Variants in SEC63 observed in about 807,000 individuals in gnomAD.
SEC63 encodes translocation protein SEC63 homolog.
SEC63 carries 56 observed loss-of-function variants against 116.2 expected under a neutral mutation model. The ratio of observed to expected loss-of-function variants is 0.48; its 90% confidence interval spans 0.39 to 0.60. The LOEUF is 0.60. SEC63 is among the 20% of genes least tolerant of loss of function. SEC63 has a pLI of 0.00. For missense variants in SEC63, 668 were observed against 900.0 expected (o/e 0.74, Z 3.30); for synonymous variants, 273 against 294.6 (o/e 0.93, Z 0.75).
intron 2 of SEC63, 95 bp from the exon 3 acceptor site, chr6:107,925,027 T>C (rs1184179046): frequency 1.3e-6 from 1 of 755,364 alleles, no homozygotes; most frequent in Non-Finnish European, 2.4e-6. Flanking sequence ...TCTACAGTAG[T>C]ACCATATCAC....
intron 1 of SEC63, among the ~76,000 whole-genome samples, chr6:107,936,890 T>C (rs904777519): frequency 6.6e-6 from 1 of 152,146 alleles, no homozygotes; most frequent in East Asian, 1.9e-4. Context: ...TCAACCCTTG[T>C]CTCCTTCCCT....
chr6:107,894,206 C>T (rs562623063), intron 14 of SEC63, among the ~76,000 whole-genome samples: 2 of 152,152 alleles, frequency 1.3e-5, no homozygotes, highest in South Asian at 2.1e-4. Context: ...AGCAAGCAAA[C>T]GTTGAGTATT....
intron 4 of SEC63, among the ~76,000 whole-genome samples, chr6:107,920,333 G>A (rs1049604671): frequency 4.1e-5 from 6 of 147,818 alleles, no homozygotes; most frequent in African/African-American, 1.5e-4. Flanking sequence ...GACTGAGGCA[G>A]GAGAATGGCA....
chr6:107,950,535 T>G, intron 1 of SEC63, among the ~76,000 whole-genome samples: 1 of 152,216 alleles, frequency 6.6e-6, no homozygotes, highest in Non-Finnish European at 1.5e-5. Flanking sequence ...AGATATTTTA[T>G]TTTGAAAGAC....
intron 8 of SEC63, 133 bp from the exon 9 acceptor site, chr6:107,906,910 A>G: frequency 1.4e-6 from 1 of 705,128 alleles, no homozygotes; most frequent in East Asian, 2.7e-5. Flanking sequence ...TCTGAACTCC[A>G]CTGACAAGTA....
intron 1 of SEC63, among the ~76,000 whole-genome samples, chr6:107,953,670 G>T (rs1387363822): frequency 7.0e-6 from 1 of 142,348 alleles, no homozygotes; most frequent in African/African-American, 2.6e-5. Flanking sequence ...CCTCTGCCCG[G>T]CCAGCCGCCC....
At chr6:107,912,133 G>C (rs1173179532) in intron 6 of SEC63, among the ~76,000 whole-genome samples, 2 of 152,098 alleles carry the variant, frequency 1.3e-5, no homozygotes, top group Non-Finnish European at 2.9e-5. Flanking sequence ...TTGCCTCAAA[G>C]ACAGCCTTTA....
In SEC63 at chr6:107,908,989, A is replaced by T; in HGVS notation, c.671T>A (p.Leu224Gln). 6.2e-7 allele frequency: 1 copy of T among 1,613,610 alleles called. No homozygotes were observed. The highest frequency in any genetic ancestry group is 8.5e-7 in the Non-Finnish European group (1 of 1,179,624). The change falls in exon 8 of 21, where the codon CTA (leucine) becomes CAA (glutamine). Residue 224 changes from leucine (L) to glutamine (Q), a missense_variant. Physicochemically the swap from Leu to Gln is moderately radical, Grantham distance 113. This residue lies in a region of SEC63 where 430 missense variants were observed against 557.5 expected (regional missense o/e 0.77). Transcript: ENST00000369002. ...RSIRYSGDQI[L>Q]IRTTQIYTYF... ...TGTATAAATCTGTGTTGTGCGTATT[A>T]GAATCTGGTCTCCACTATAGCGTAT...
intron 16 of SEC63, 77 bp downstream of exon 16, chr6:107,893,405 C>G: frequency 2.1e-6 from 3 of 1,400,822 alleles, no homozygotes; most frequent in African/African-American, 1.4e-5. Context: ...ACTTTTGAAG[C>G]TGTACACGTA....
intron 1 of SEC63, among the ~76,000 whole-genome samples, chr6:107,933,003 G>A (rs1350799408): frequency 6.6e-6 from 1 of 152,068 alleles, no homozygotes; most frequent in African/African-American, 2.4e-5. Context: ...TTACAGATAT[G>A]ACTAAGTTAA....
intron 13 of SEC63, among the ~76,000 whole-genome samples, chr6:107,899,070 G>T (rs1052269134): frequency 6.6e-6 from 1 of 152,176 alleles, no homozygotes; most frequent in Non-Finnish European, 1.5e-5. Flanking sequence ...GCACAAGCAG[G>T]TCATGTGAAA....
At chr6:107,953,396 G>A (rs1336260507) in intron 1 of SEC63, among the ~76,000 whole-genome samples, 1 of 150,728 alleles carries the variant, frequency 6.6e-6, no homozygotes, top group African/African-American at 2.4e-5. Flanking sequence ...GAAGGAGGTG[G>A]GGGGGTCAGC....
In SEC63 at chr6:107,958,139, C is replaced by A. The variant is rs1770752861; in HGVS notation, c.-130G>T. On this transcript the variant is annotated 5_prime_UTR_variant, in exon 1 of 21. Coordinates refer to ENST00000369002, the MANE Select transcript of SEC63 (RefSeq NM_007214.5). ...CGCCGCCGCCTCTCCTCCCCGCCCC[C>A]ACGCCACTCTCACGGACACGCCGCC... 7 of 1,421,286 alleles carry A rather than the reference C, an allele frequency of 4.9e-6. No homozygotes were observed. The highest frequency in any genetic ancestry group is 6.8e-6 in the Non-Finnish European group (7 of 1,032,378). The allele number at this position is 1,421,286 out of a possible 1,614,324, so 88.0% of individuals were successfully genotyped here.
At position 107,921,913 on chromosome 6, in the gene SEC63, G is replaced by C. The variant is rs755427926; in HGVS notation, c.340-4C>G. On this transcript the variant is annotated splice_region_variant and splice_polypyrimidine_tract_variant and intron_variant, in intron 3 of 20. Coordinates refer to ENST00000369002, the MANE Select transcript of SEC63 (RefSeq NM_007214.5). Reference sequence around the variant, plus strand: ...TAATTTCTGCTACTGTGGCTCCCTGGGGAAAAACAAAAAAAAAAAACAAGC... The same window carrying C: ...TAATTTCTGCTACTGTGGCTCCCTGCGGAAAAACAAAAAAAAAAAACAAGC... 14 of 1,317,122 alleles carry C rather than the reference G, an allele frequency of 1.1e-5. No homozygotes were observed. The East Asian group carries it at 3.5e-4, about 33-fold the overall frequency. The allele number at this position is 1,317,122 out of a possible 1,614,324, so 81.6% of individuals were successfully genotyped here. A position where few individuals can be genotyped will look rare whatever the true frequency, so the allele number is the denominator to read the frequency against.
At chr6:107,928,167 T>C (rs1163263464) in intron 2 of SEC63, among the ~76,000 whole-genome samples, 1 of 152,154 alleles carries the variant, frequency 6.6e-6, no homozygotes, top group South Asian at 2.1e-4. Flanking sequence ...AAAGCTAGAA[T>C]TTCCCTCCTC....
rs769028020 is a variant in SEC63, at chr6:107,883,111, T to C, written c.1710A>G (p.Ser570=). ...CTTCTTCAGAATCACTGCCCTTATC[T>C]GAAACTTCTTCTTCATCTTCCTTTA... ...AAVKEDEEEV[S]DKGSDSEEEE... The change falls in exon 17 of 21, where the codon TCA becomes TCG. Residue 570 remains serine (S), a synonymous_variant. Transcript: ENST00000369002. 2.5e-6 allele frequency: 4 copies of C among 1,612,476 alleles called. No homozygotes were observed. The South Asian group carries it at 4.4e-5, about 18-fold the overall frequency.
intron 1 of SEC63, among the ~76,000 whole-genome samples, chr6:107,948,987 T>C (rs1405651934): frequency 6.6e-6 from 1 of 152,242 alleles, no homozygotes; most frequent in African/African-American, 2.4e-5. Flanking sequence ...GTTCGCCCCA[T>C]GTTCACATTA....
At chr6:107,874,393 G>A (rs1012791304) in intron 19 of SEC63, among the ~76,000 whole-genome samples, 1 of 152,080 alleles carries the variant, frequency 6.6e-6, no homozygotes, top group African/African-American at 2.4e-5. Flanking sequence ...AGGAGATTGA[G>A]ACCATCATGG....
In SEC63 at chr6:107,901,429, T is replaced by G; in HGVS notation, c.1298A>C (p.Glu433Ala). ...ACTCCCAAGGACAGCCATAACCTCT[T>G]CATATTTTTCATCTTCAAGGAAGTG... is the stretch of plus-strand genomic sequence containing the variant. ...LLHFLEDEKYEEVMAVLGSFP... is the reference protein window; with the variant it reads ...LLHFLEDEKYAEVMAVLGSFP... Residue 433 changes from glutamate (E) to alanine (A), a missense_variant, in exon 13 of 21, where the codon GAA (glutamate) becomes GCA (alanine). By Grantham distance (107) the Glu-to-Ala change is moderately radical. Around this residue, in one of 5 missense-constraint regions of SEC63, gnomAD observed 430 missense variants for 557.5 expected, o/e 0.77. Transcript: ENST00000369002. The G allele has an allele frequency of 6.2e-7, 1 of 1,613,178 alleles. No homozygotes were observed. Among genetic ancestry groups the G allele is most frequent in the African/African-American group, 1.3e-5 (1 of 74,988 alleles).
Sources: allele counts gnomAD v4.1 joint callset (sites outside exome capture counted in the v4.1 genomes callset), GRCh38; gene constraint gnomAD v4.1.1; regional missense constraint gnomAD v4.1.1; transcripts MANE v1.5; gene names NCBI Gene and HGNC (gene_info 2026-07-23, HGNC 2026-07-21).